The following ROS1 variants were observed in gnomAD, a reference collection of about 807,000 sequenced individuals.
ROS1 encodes the protein proto-oncogene tyrosine-protein kinase ROS.
Under a neutral mutation model 273.5 loss-of-function variants are expected in ROS1, and 263 were observed. The ratio of observed to expected loss-of-function variants is 0.96; its 90% CI spans 0.87 to 1.06. The LOEUF (loss-of-function observed/expected upper bound fraction) is 1.06. ROS1 is among the 50% of genes least tolerant of loss of function. The probability of loss-of-function intolerance (pLI) is 0.00; values close to 1 mark genes in which losing one functional copy is unlikely to be tolerated. For synonymous variants in ROS1, 1,008 were observed against 954.1 expected (o/e 1.06, Z -1.04); for missense variants, 2,833 against 2,751.1 (o/e 1.03, Z -0.67).
rs561456712 is a variant in ROS1 at position 117,362,362 on chromosome 6, G to A, written c.3366+241C>T. Among the ~76,000 whole-genome samples the A allele has an allele frequency of 2.6e-5, 4 of 151,768 alleles. No homozygotes were observed. The East Asian group carries it at 7.7e-4, about 29-fold the overall frequency. On this transcript the variant is annotated intron_variant, in intron 22 of 43. Transcript: ENST00000368507. ...CAGTCGTCTTTAATGGAATAAAAAC[G>A]AATTCCTGCATATTAATCCTCAAAA...
chr6:117,342,285 A>T lies in ROS1; in HGVS notation c.4651+115T>A, dbSNP rs535599196. 6.8e-6 allele frequency: 7 copies of T among 1,036,586 alleles called. No individual in the cohort carries two copies. In the East Asian group the frequency reaches 1.5e-4, roughly 23 times the overall value. 64.2% of individuals were successfully genotyped at this position (1,036,586 alleles called of 1,614,324 possible). ...CAAACACATTTTTCTTATTAAACTT[A>T]AAAAAGCTTACTAAAATTACTTCGC... On this transcript the variant is annotated intron_variant, in intron 29 of 43. Coordinates refer to ENST00000368507, the MANE Select transcript of ROS1 (RefSeq NM_001378902.1).
rs1775321457 is a variant in ROS1, at chr6:117,308,906, C to A, written c.6439G>T (p.Glu2147Ter). The change falls in exon 42 of 44, where the codon GAG becomes TAG. Residue 2147 changes from glutamate to a stop codon, truncating the protein, a stop_gained. Coordinates refer to ENST00000368507, the MANE Select transcript of ROS1 (RefSeq NM_001378902.1). LOFTEE classifies it high-confidence loss of function. The stretch of plus-strand genomic sequence containing the variant: ...GGCTGATGACCAAGAGTTAAAATCT[C>A]CCAAATCAGAATTCCAAAAGACCTA... ...DVWSFGILIW[E>*]ILTLGHQPYP... 6.2e-7 allele frequency: 1 copy of A among 1,612,890 alleles called. No homozygotes were observed. Among genetic ancestry groups the A allele is most frequent in the East Asian group, 2.2e-5 (1 of 44,852 alleles).
Position 117,317,193 on chromosome 6 carries a change from T to A in ROS1, c.6067A>T (p.Met2023Leu), listed in dbSNP as rs199682124. ...TAAGTAAGAAGGTCTCCTCCCTCCA[T>A]CAGTTCCAGGATAATGTATTGGGGT... Reference protein sequence around the residue: ...NEPQYIILELMEGGDLLTYLR... With the variant: ...NEPQYIILELLEGGDLLTYLR... Residue 2023 changes from methionine (M) to leucine (L), a missense_variant, in exon 39 of 44, where the codon ATG becomes TTG. Transcript: ENST00000368507. 44 of 1,613,288 alleles carry A rather than the reference T, an allele frequency of 2.7e-5. No homozygotes were observed. In the African/African-American group the frequency reaches 5.3e-4, roughly 20 times the overall value.
rs139058547 is a variant in ROS1 at position 117,337,248 on chromosome 6, T to C, written c.5154A>G (p.Ser1718=). 33 of 1,612,186 alleles carry C rather than the reference T, an allele frequency of 2.0e-5. No individual in the cohort carries two copies. Among genetic ancestry groups the C allele is most frequent in the Non-Finnish European group, 2.8e-5 (33 of 1,178,802 alleles). ...CNITNLQPYT[S]YNVRVVVVYK... ...AAACCACCACTACTCTGACATTATA[T>C]GAAGTATAAGGTTGTAGATTTGTGA... The change falls in exon 32 of 44, where the codon TCA becomes TCG. Residue 1718 remains serine, a synonymous_variant. Transcript: ENST00000368507.
chr6:117,411,037 C>T (rs28647827), intron 4 of ROS1, among the ~76,000 whole-genome samples: 16 of 151,914 alleles, frequency 1.1e-4, no homozygotes, highest in South Asian at 6.3e-4. Context: ...GGAGAAGAGA[C>T]GAGATGTATT....
At chr6:117,358,166 G>T (rs1376287960) in intron 24 of ROS1, among the ~76,000 whole-genome samples, 157 bp from the exon 25 acceptor site, 1 of 152,166 alleles carries the variant, frequency 6.6e-6, no homozygotes, top group East Asian at 1.9e-4. Context: ...CATGGGCACT[G>T]TTCTCACATT....
intron 18 of ROS1, among the ~76,000 whole-genome samples, chr6:117,369,989 G>A (rs1034344133): frequency 1.1e-4 from 17 of 151,698 alleles, no homozygotes; most frequent in African/African-American, 3.9e-4. Flanking sequence ...ATGTACATAC[G>A]GATGTGTATA....
chr6:117,328,691 T>C (rs1234260131), intron 33 of ROS1: 1 of 605,426 alleles, frequency 1.7e-6, no homozygotes, highest in Non-Finnish European at 3.3e-6. Context: ...TTTGGAATTC[T>C]CCCCTCAAGT....
chr6:117,318,103 A>T (rs498251), intron 38 of ROS1, 85 bp downstream of exon 38: 103,777 of 927,160 alleles, frequency 0.11, 6,467 homozygotes, highest in Middle Eastern at 0.16. Context: ...TGATCCGTTA[A>T]GTCATGTCAT....
chr6:117,346,400 G>A (rs1236482635), intron 27 of ROS1, among the ~76,000 whole-genome samples: 12 of 151,700 alleles, frequency 7.9e-5, no homozygotes, highest in Admixed American at 7.9e-4. Context: ...ACATAAAATA[G>A]ACTCCATTTT....
In ROS1 at chr6:117,396,972, G is replaced by C; in HGVS notation, c.749C>G (p.Ala250Gly). The C allele has an allele frequency of 6.2e-7, 1 of 1,614,032 alleles. No individual in the cohort carries two copies. The highest frequency in any genetic ancestry group is 8.5e-7 in the Non-Finnish European group (1 of 1,179,928). Residue 250 changes from alanine to glycine, a missense_variant, in exon 8 of 44, where the codon GCA (alanine) becomes GGA (glycine). Ala to Gly is a moderately conservative substitution (Grantham distance 60, BLOSUM62 0). Transcript: ENST00000368507. ...CTGGAAACTGGTTCTCTGTGTCCCT[G>C]CATCTAATTTTTGATTTTTGCTGAT... ...RLISKNQKLD[A>G]GTQRTSFQFY...
chr6:117,371,971 T>A (rs999831467), intron 18 of ROS1, among the ~76,000 whole-genome samples: 2 of 152,042 alleles, frequency 1.3e-5, no homozygotes, highest in Non-Finnish European at 2.9e-5. Context: ...CAACTGAGGG[T>A]CTTTCTCTAC....
At position 117,375,791 on chromosome 6, in the gene ROS1, TATAG is replaced by T. The variant is rs138677126; in HGVS notation, c.2582+3264_2582+3267del. ...GATAAAAAGGCAATATAATTAAGTA[TATAG>T]ATAATCAATATACTAAATATAAAGC... On this transcript the variant is annotated intron_variant, in intron 18 of 43. Transcript: ENST00000368507. 1.5e-4 allele frequency among the ~76,000 whole-genome samples: 23 copies of T among 152,186 alleles called. No individual in the cohort carries two copies. In the East Asian group the frequency reaches 3.5e-3, roughly 23 times the overall value.
intron 18 of ROS1, among the ~76,000 whole-genome samples, chr6:117,373,251 G>A (rs569229822): frequency 3.3e-5 from 5 of 152,358 alleles, no homozygotes; most frequent in South Asian, 2.1e-4. Context: ...TGCCAGGGCC[G>A]TGGGTGGAGC....
At chr6:117,334,966 G>T (rs1190799434) in intron 32 of ROS1, among the ~76,000 whole-genome samples, 1 of 152,124 alleles carries the variant, frequency 6.6e-6, no homozygotes, top group Non-Finnish European at 1.5e-5. Flanking sequence ...AAAAGCAATG[G>T]CAACAAAAGC....
intron 23 of ROS1, 57 bp downstream of exon 23, chr6:117,360,273 GACACACACACAC>G: frequency 1.2e-5 from 9 of 762,210 alleles, no homozygotes; most frequent in Middle Eastern, 2.4e-4. Context: ...ACACCAATGG[GACACACACACAC>G]ACACACACAC....
intron 22 of ROS1, among the ~76,000 whole-genome samples, 167 bp from the exon 23 acceptor site, chr6:117,360,572 GA>G (rs766962453): frequency 9.6e-4 from 146 of 152,006 alleles, no homozygotes; most frequent in Admixed American, 2.4e-3. Context: ...ATCACCAAGA[GA>G]AAAAATATTG....
chr6:117,351,137 G>A (rs1214591567), intron 27 of ROS1, among the ~76,000 whole-genome samples: 1 of 152,146 alleles, frequency 6.6e-6, no homozygotes, highest in Admixed American at 6.5e-5. Flanking sequence ...TGTAGGGGAA[G>A]GGGAGGCATT....
chr6:117,357,776 A>G, intron 25 of ROS1, 28 bp downstream of exon 25: 1 of 1,407,490 alleles, frequency 7.1e-7, no homozygotes, highest in Non-Finnish European at 1.0e-6. Flanking sequence ...TTTCATCACA[A>G]TATAAAAAAA....
Sources: gnomAD v4.1 joint callset for allele counts (sites outside exome capture counted in the v4.1 genomes callset) on GRCh38, gnomAD v4.1.1 for gene constraint, MANE v1.5 for transcripts, NCBI Gene and HGNC (gene_info 2026-07-23, HGNC 2026-07-21) for gene names.